GPLD1: variants seen among roughly 807,000 people sequenced by gnomAD.
GPLD1 encodes phosphatidylinositol-glycan-specific phospholipase D.
A neutral mutation model predicts 112.6 loss-of-function variants in GPLD1; 84 were observed. The ratio of observed to expected loss-of-function variants is 0.75; its 90% CI spans 0.63 to 0.89. GPLD1 has a LOEUF of 0.89. GPLD1 is among the 40% of genes least tolerant of loss of function. GPLD1 has a pLI of 0.00. For synonymous variants in GPLD1, 386 were observed against 403.8 expected (o/e 0.96, Z 0.53); for missense variants, 1,044 against 1,051.5 (o/e 0.99, Z 0.10).
intron 4 of GPLD1, 37 bp from the exon 5 acceptor site, chr6:24,475,268 G>A: frequency 9.6e-7 from 1 of 1,039,160 alleles, no homozygotes; most frequent in Non-Finnish European, 1.5e-6. Flanking sequence ...GTGTGTTTGG[G>A]TGATTTTATA....
At chr6:24,424,681 G>A (rs1353493625), downstream of GPLD1, 4 of 152,294 alleles carry the variant, frequency 2.6e-5, no homozygotes, top group East Asian at 3.9e-4. Flanking sequence ...GTTAAGTACA[G>A]TTAGGCACTA....
chr6:24,492,504 TC>T (rs1764582724), upstream of GPLD1, among the ~76,000 whole-genome samples: 1 of 13,290 alleles, frequency 7.5e-5, no homozygotes, highest in African/African-American at 4.5e-4. Context: ...AGACCCTGAC[TC>T]AAAAAAAAAA....
chr6:24,489,303 C>T (rs1472475780), intron 1 of GPLD1, 112 bp downstream of exon 1: 4 of 778,062 alleles, frequency 5.1e-6, no homozygotes, highest in Non-Finnish European at 8.6e-6. Context: ...CCACTCAGCT[C>T]AGTGCCCAGG....
chr6:24,478,217 C>T lies in GPLD1; in HGVS notation c.232+1664G>A, dbSNP rs997166392. Among the ~76,000 whole-genome samples, 3 of 152,148 alleles carry T rather than the reference C, an allele frequency of 2.0e-5. 1 individual carries two copies. Among genetic ancestry groups the T allele is most frequent in the African/African-American group, 4.8e-5 (2 of 41,492 alleles). On this transcript the variant is annotated intron_variant, in intron 3 of 24. Transcript: ENST00000230036. ...TCCCATGAATACAGTTTGGGAAGTG[C>T]TAAATTAGAAATAATAGGTTAGAAA... is the stretch of plus-strand genomic sequence containing the variant.
intron 14 of GPLD1, among the ~76,000 whole-genome samples, chr6:24,452,613 T>C (rs1763126913): frequency 6.6e-6 from 1 of 152,056 alleles, no homozygotes; most frequent in Non-Finnish European, 1.5e-5. Flanking sequence ...CCGTCTCTAC[T>C]AAAAATACAA....
chr6:24,428,241 T>G lies in GPLD1; in HGVS notation c.*791A>C. 6.6e-6 allele frequency: 1 copy of G among 152,116 alleles called. No individual in the cohort carries two copies. The highest frequency in any genetic ancestry group is 1.5e-5 in the Non-Finnish European group (1 of 68,030). The allele number at this position is 152,116 out of a possible 1,614,324, so 9.4% of individuals were successfully genotyped here. On this transcript the variant is annotated 3_prime_UTR_variant, in exon 25 of 25. Coordinates refer to ENST00000230036, the MANE Select transcript of GPLD1 (RefSeq NM_001503.4). Reference sequence around the variant, plus strand: ...CAATCTGTTATTTTTAAGTTCAACTTTTTTTTAACTTTTAAGTTCAGGGGT... The same window carrying G: ...CAATCTGTTATTTTTAAGTTCAACTGTTTTTTAACTTTTAAGTTCAGGGGT...
Position 24,428,906 on chromosome 6 carries a change from G to T in GPLD1, c.*126C>A. The T allele has an allele frequency of 1.8e-6, 1 of 565,972 alleles. No homozygotes were observed. The allele number at this position is 565,972 out of a possible 1,614,324, so 35.1% of individuals were successfully genotyped here. A position where few individuals can be genotyped will look rare whatever the true frequency, so the allele number is the denominator to read the frequency against. The stretch of plus-strand genomic sequence containing the variant: ...TGTTAGTGTGTCTCTCTACTCCCAG[G>T]AGCCCCATGTCTATCAGGATCTACC... On this transcript the variant is annotated 3_prime_UTR_variant, in exon 25 of 25. Transcript: ENST00000230036.
chr6:24,466,665 G>A lies in GPLD1; in HGVS notation c.821+15C>T. ...GCAGAGAGTGATTGGTAATAGAAATGCAATATGAATTCACCTGGTCCCATT... is the reference window on the plus strand; with the variant it reads ...GCAGAGAGTGATTGGTAATAGAAATACAATATGAATTCACCTGGTCCCATT... On this transcript the variant is annotated intron_variant, in intron 10 of 24. Transcript: ENST00000230036. The A allele has an allele frequency of 6.2e-7, 1 of 1,604,576 alleles. No individual in the cohort carries two copies. The highest frequency in any genetic ancestry group is 1.1e-5 in the South Asian group (1 of 90,312).
chr6:24,482,059 G>A (rs535325886), intron 2 of GPLD1, among the ~76,000 whole-genome samples: 4 of 151,020 alleles, frequency 2.6e-5, no homozygotes, highest in East Asian at 1.9e-4. Flanking sequence ...GAGTACTAAC[G>A]AAGGATGTAT....
At chr6:24,431,535 C>CA (rs969770411) in intron 24 of GPLD1, among the ~76,000 whole-genome samples, 12 of 139,032 alleles carry the variant, frequency 8.6e-5, no homozygotes, top group South Asian at 2.3e-4. Context: ...TAAGGTTAAA[C>CA]TTTTTTTTTT....
At chr6:24,443,017 G>A (rs1226996015) in intron 20 of GPLD1, among the ~76,000 whole-genome samples, 1 of 152,160 alleles carries the variant, frequency 6.6e-6, no homozygotes, top group Non-Finnish European at 1.5e-5. Context: ...AGTTAATAAT[G>A]TGTGTTGCAA....
At chr6:24,457,835 T>C (rs1763316274) in intron 12 of GPLD1, among the ~76,000 whole-genome samples, 1 of 150,950 alleles carries the variant, frequency 6.6e-6, no homozygotes, top group African/African-American at 2.4e-5. Context: ...ATCGTGCCGC[T>C]GCACGCTAGC....
In GPLD1 at chr6:24,487,139, G is replaced by A. The variant is rs190955001; in HGVS notation, c.98-1009C>T. Reference sequence around the variant, plus strand: ...CAAAAAACTATTGCCACTACTATAAGCATTAATATCATAAAAGTCACAACC... The same window carrying A: ...CAAAAAACTATTGCCACTACTATAAACATTAATATCATAAAAGTCACAACC... On this transcript the variant is annotated intron_variant, in intron 1 of 24. Coordinates refer to ENST00000230036, the MANE Select transcript of GPLD1 (RefSeq NM_001503.4). Among the ~76,000 whole-genome samples the A allele has an allele frequency of 1.7e-4, 24 of 139,364 alleles. No individual in the cohort carries two copies. The East Asian group carries it at 4.6e-3, about 27-fold the overall frequency. The allele number at this position is 139,364 out of a possible 152,430, so 91.4% of individuals were successfully genotyped here.
intron 14 of GPLD1, among the ~76,000 whole-genome samples, chr6:24,451,776 A>G (rs528050723): frequency 3.3e-5 from 5 of 152,212 alleles, no homozygotes; most frequent in African/African-American, 4.8e-5. Flanking sequence ...AGTGGCATCT[A>G]TAAGTGCTGC....
chr6:24,484,368 A>C (rs1764304477), intron 2 of GPLD1, among the ~76,000 whole-genome samples: 2 of 152,084 alleles, frequency 1.3e-5, no homozygotes. Flanking sequence ...GGTGTCTGCC[A>C]CCACGGCCAG....
chr6:24,478,369 T>A (rs900229409), intron 3 of GPLD1, among the ~76,000 whole-genome samples: 1 of 152,170 alleles, frequency 6.6e-6, no homozygotes, highest in African/African-American at 2.4e-5. Context: ...GGATTCTAAC[T>A]GCAGGAGTGA....
At chr6:24,440,230 G>A (rs897237873) in intron 20 of GPLD1, among the ~76,000 whole-genome samples, 1 of 152,150 alleles carries the variant, frequency 6.6e-6, no homozygotes, top group Non-Finnish European at 1.5e-5. Context: ...TGAGGCAGGA[G>A]GATCACTTCA....
chr6:24,468,931 G>C (rs932394089), intron 7 of GPLD1, among the ~76,000 whole-genome samples: 5 of 152,116 alleles, frequency 3.3e-5, no homozygotes, highest in African/African-American at 1.2e-4. Context: ...CCTTAATCTT[G>C]GCAAAACAAA....
chr6:24,469,521 C>A (rs563078269), intron 7 of GPLD1, among the ~76,000 whole-genome samples: 2 of 93,766 alleles, frequency 2.1e-5, no homozygotes, highest in Non-Finnish European at 2.1e-5. Flanking sequence ...AGTAAACTAT[C>A]GCAAGAACAA....
Sources: gnomAD v4.1 joint callset for allele counts (sites outside exome capture counted in the v4.1 genomes callset) on GRCh38, gnomAD v4.1.1 for gene constraint, MANE v1.5 for transcripts, NCBI Gene and HGNC (gene_info 2026-07-23, HGNC 2026-07-21) for gene names.